The following ESR2 variants were observed in gnomAD, a reference collection of about 807,000 sequenced individuals.
The protein encoded by ESR2 is estrogen receptor beta.
A neutral mutation model predicts 49.6 loss-of-function variants in ESR2; 36 were observed. The observed-to-expected ratio is 0.73, with a 90% CI of 0.56 to 0.96. The LOEUF (loss-of-function observed/expected upper bound fraction) is 0.96, where lower values mean the gene tolerates loss of function less well. Among genes scored for constraint, ESR2 ranks in the 40% least tolerant of loss-of-function variants. ESR2 has a pLI of 0.00. For missense variants in ESR2, 714 were observed against 693.0 expected (o/e 1.03, Z -0.34); for synonymous variants, 320 against 266.1 (o/e 1.20, Z -1.97).
intron 1 of ESR2, among the ~76,000 whole-genome samples, chr14:64,318,825 T>A (rs1261515704): frequency 6.6e-6 from 1 of 152,052 alleles, no homozygotes; most frequent in Non-Finnish European, 1.5e-5. Context: ...GGCAGATTGC[T>A]TAAGCCCAAG....
upstream of ESR2, among the ~76,000 whole-genome samples, chr14:64,294,721 A>G (rs2076931062): frequency 6.6e-6 from 1 of 152,266 alleles, no homozygotes; most frequent in Non-Finnish European, 1.5e-5. Flanking sequence ...CATAAGTGTC[A>G]TTCAGAACAG....
In ESR2 at chr14:64,249,529, G is replaced by A. The variant is rs755463625; in HGVS notation, c.1225+17C>T. ...TCTCTCCCCGATAAAACATGGCCCAGCTGTGTGATTACTTACTGGAATTGA... is the reference window on the plus strand; with the variant it reads ...TCTCTCCCCGATAAAACATGGCCCAACTGTGTGATTACTTACTGGAATTGA... On this transcript the variant is annotated intron_variant, in intron 7 of 8. Transcript: ENST00000341099. 6.2e-7 allele frequency: 1 copy of A among 1,612,390 alleles called. No homozygotes were observed. The highest frequency in any genetic ancestry group is 1.3e-5 in the African/African-American group (1 of 74,860).
chr14:64,236,567 TTC>T (rs1273540340), intron 7 of ESR2, among the ~76,000 whole-genome samples: 1 of 152,038 alleles, frequency 6.6e-6, no homozygotes, highest in Non-Finnish European at 1.5e-5. Context: ...CCCTCCCCGC[TTC>T]TCTCATCTGC....
Position 64,268,876 on chromosome 14 carries a change from A to G in ESR2, c.571T>C (p.Cys191Arg), listed in dbSNP as rs766405281. ...NDYICPATNQCTIDKNRRKSC... is the reference protein window; with the variant it reads ...NDYICPATNQRTIDKNRRKSC... ...TTGCGCCGGTTTTTATCGATTGTAC[A>G]CTGATTTGTAGCTGGACAAATATAA... Residue 191 changes from cysteine to arginine, a missense_variant, in exon 4 of 9, where the codon TGT becomes CGT. Transcript: ENST00000341099. 1 of 1,613,138 alleles carries G rather than the reference A, an allele frequency of 6.2e-7. No individual in the cohort carries two copies. The highest frequency in any genetic ancestry group is 8.5e-7 in the Non-Finnish European group (1 of 1,179,146).
At chr14:64,233,389 C>T in intron 8 of ESR2, 66 bp from the exon 9 acceptor site, 1 of 1,515,072 alleles carries the variant, frequency 6.6e-7, no homozygotes, top group African/African-American at 1.4e-5. Context: ...CGAAGCCTTC[C>T]CCGGCTCTCT....
chr14:64,337,563 G>T (rs1049440521), intron 1 of ESR2: 1 of 151,970 alleles, frequency 6.6e-6, no homozygotes, highest in Admixed American at 6.6e-5. Flanking sequence ...AAAAAATCAC[G>T]ATTCCTTAAT....
chr14:64,265,686 C>G (rs940200393), intron 4 of ESR2, among the ~76,000 whole-genome samples: 1 of 152,134 alleles, frequency 6.6e-6, no homozygotes, highest in Non-Finnish European at 1.5e-5. Context: ...TCAGTATATC[C>G]TTATAATGAA....
chr14:64,265,490 C>G (rs1385507824), intron 4 of ESR2, among the ~76,000 whole-genome samples: 1 of 152,156 alleles, frequency 6.6e-6, no homozygotes, highest in Non-Finnish European at 1.5e-5. Context: ...CAAGCAGTAG[C>G]CTAAATCCAG....
At position 64,257,276 on chromosome 14, in the gene ESR2, T is replaced by G. The variant is rs770374094; in HGVS notation, c.1041A>C (p.Ser347=). 2.5e-6 allele frequency: 4 copies of G among 1,614,026 alleles called. No homozygotes were observed. In the African/African-American group the frequency reaches 4.0e-5, roughly 16 times the overall value. Reference sequence around the variant, plus strand: ...AGATGAGCTTGCCGGGGTGGTCAATTGAGCGCCACATCAGCCCCATCATTA... The same window carrying G: ...AGATGAGCTTGCCGGGGTGGTCAATGGAGCGCCACATCAGCCCCATCATTA... ...EVLMMGLMWR[S]IDHPGKLIFA... The change falls in exon 6 of 9, where the codon TCA becomes TCC. Residue 347 remains serine (S), a synonymous_variant. Coordinates refer to ENST00000341099, the MANE Select transcript of ESR2 (RefSeq NM_001437.3).
At position 64,306,102 on chromosome 14, in the gene ESR2, G is replaced by A. The variant is rs187926995; in HGVS notation, c.-90-23027C>T. Among the ~76,000 whole-genome samples, 219 of 151,928 alleles carry A rather than the reference G, an allele frequency of 1.4e-3. 1 individual carries two copies. Among genetic ancestry groups the A allele is most frequent in the Non-Finnish European group, 2.1e-3 (143 of 67,960 alleles). ...CGCATGCCTGTAATACCAGCTACTCGGGAGGCTGAGGTAGGAGAATCACTT... is the reference window on the plus strand; with the variant it reads ...CGCATGCCTGTAATACCAGCTACTCAGGAGGCTGAGGTAGGAGAATCACTT... On this transcript the variant is annotated intron_variant, in intron 1 of 8. Transcript: ENST00000358599.
intron 1 of ESR2, among the ~76,000 whole-genome samples, chr14:64,307,610 C>G (rs1424448567): frequency 1.3e-5 from 2 of 152,050 alleles, no homozygotes; most frequent in Non-Finnish European, 2.9e-5. Context: ...TCTCAGCTCA[C>G]TGCAATCTCC....
chr14:64,293,039 C>A (rs911680714), intron 1 of ESR2, among the ~76,000 whole-genome samples: 1 of 152,194 alleles, frequency 6.6e-6, no homozygotes, highest in Non-Finnish European at 1.5e-5. Flanking sequence ...TGCAATCCTA[C>A]GGTGTATACT....
chr14:64,233,419 C>T, intron 8 of ESR2, 96 bp from the exon 9 acceptor site: 1 of 1,231,682 alleles, frequency 8.1e-7, no homozygotes, highest in South Asian at 1.4e-5. Flanking sequence ...GCCAGTCTAC[C>T]CCACCCCTAA....
In ESR2 at chr14:64,283,587, C is replaced by T. The variant is rs541870150; in HGVS notation, c.-90-512G>A. Among the ~76,000 whole-genome samples the T allele has an allele frequency of 5.9e-5, 9 of 151,494 alleles. No individual in the cohort carries two copies. The East Asian group carries it at 1.4e-3, about 23-fold the overall frequency. Reference sequence around the variant, plus strand: ...CAGCCTGGGCAACATGGTGAAACCCCGTCTCTACTAAAAATTAGCCAGGAA... The same window carrying T: ...CAGCCTGGGCAACATGGTGAAACCCTGTCTCTACTAAAAATTAGCCAGGAA... On this transcript the variant is annotated intron_variant, in intron 1 of 8. Coordinates refer to ENST00000341099, the MANE Select transcript of ESR2 (RefSeq NM_001437.3).
chr14:64,234,206 G>A (rs952719880), intron 8 of ESR2: 2 of 152,240 alleles, frequency 1.3e-5, no homozygotes, highest in African/African-American at 2.4e-5. Context: ...AAAGGCAGAG[G>A]TCTTCATCTC....
At chr14:64,257,510 T>C (rs1232602418) in intron 5 of ESR2, 146 bp from the exon 6 acceptor site, 4 of 1,019,598 alleles carry the variant, frequency 3.9e-6, no homozygotes, top group Admixed American at 5.7e-5. Context: ...TAACTGCTCA[T>C]TAAAGGAAGA....
At chr14:64,277,515 C>T (rs1296074490) in intron 3 of ESR2, among the ~76,000 whole-genome samples, 5 of 150,096 alleles carry the variant, frequency 3.3e-5, no homozygotes, top group Non-Finnish European at 7.4e-5. Context: ...ATCCCAGCTA[C>T]TTGGGAGTCT....
chr14:64,335,950 G>A lies in ESR2; in HGVS notation c.-91+1948C>T, dbSNP rs540003925. 6 of 151,458 alleles carry A rather than the reference G, an allele frequency of 4.0e-5. No individual in the cohort carries two copies. In the South Asian group the frequency reaches 6.3e-4, roughly 16 times the overall value. 9.4% of individuals were successfully genotyped at this position (151,458 alleles called of 1,614,324 possible). A position where few individuals can be genotyped will look rare whatever the true frequency, so the allele number is the denominator to read the frequency against. On this transcript the variant is annotated intron_variant, in intron 1 of 8. Coordinates refer to the ESR2 transcript ENST00000358599. ...CTTCCAAGTAGCTGGGATTACAGGCGTCCGCCACCACGCCCAGCTAATTTG... is the reference window on the plus strand; with the variant it reads ...CTTCCAAGTAGCTGGGATTACAGGCATCCGCCACCACGCCCAGCTAATTTG...
intron 6 of ESR2, among the ~76,000 whole-genome samples, chr14:64,251,371 C>A (rs909076241): frequency 6.6e-6 from 1 of 150,676 alleles, no homozygotes; most frequent in African/African-American, 2.4e-5. Context: ...TCTCTTTATT[C>A]TTCTGTGCTG....
Sources: gnomAD v4.1 joint callset for allele counts (sites outside exome capture counted in the v4.1 genomes callset) on GRCh38, gnomAD v4.1.1 for gene constraint, MANE v1.5 for transcripts, NCBI Gene and HGNC (gene_info 2026-07-23, HGNC 2026-07-21) for gene names.